Variants in SLC25A21 observed in about 807,000 individuals in gnomAD.
SLC25A21 encodes solute carrier family 25 member 21.
SLC25A21 carries 47 observed loss-of-function variants against 43.8 expected under a neutral mutation model. The ratio of observed to expected loss-of-function variants is 1.07; its 90% confidence interval spans 0.85 to 1.37. The LOEUF (loss-of-function observed/expected upper bound fraction) is 1.37. Ranked by LOEUF, SLC25A21 falls within the 40% of genes most tolerant of loss-of-function variation. The pLI is 0.00. For synonymous variants in SLC25A21, 131 were observed against 121.3 expected (o/e 1.08, Z -0.52); for missense variants, 352 against 350.2 (o/e 1.00, Z -0.04).
rs374520830 is a variant in SLC25A21, at chr14:36,772,774, C to T, written c.204-38201G>A. Among the ~76,000 whole-genome samples, 62 of 152,288 alleles carry T rather than the reference C, an allele frequency of 4.1e-4. No individual in the cohort carries two copies. In the South Asian group the frequency reaches 0.013, roughly 31 times the overall value. Reference sequence around the variant, plus strand: ...TTAAATCTGTGAATACCAAGGCTCCCCTGCATAGTTCTCTGGCAGTTCAGT... The same window carrying T: ...TTAAATCTGTGAATACCAAGGCTCCTCTGCATAGTTCTCTGGCAGTTCAGT... On this transcript the variant is annotated intron_variant, in intron 3 of 9. Transcript: ENST00000331299.
chr14:36,736,625 GAAA>G (rs58319808), intron 3 of SLC25A21, among the ~76,000 whole-genome samples: 4 of 148,826 alleles, frequency 2.7e-5, no homozygotes, highest in Non-Finnish European at 4.5e-5. Flanking sequence ...ATTATTGTAG[GAAA>G]AAAAAAATAA....
At chr14:36,778,690 T>C (rs2138372917) in intron 3 of SLC25A21, among the ~76,000 whole-genome samples, 1 of 152,316 alleles carries the variant, frequency 6.6e-6, no homozygotes, top group Non-Finnish European at 1.5e-5. Flanking sequence ...TTTATTGAAG[T>C]ATGATTGACA....
chr14:37,048,706 C>T (rs898403824), intron 1 of SLC25A21, among the ~76,000 whole-genome samples: 3 of 152,146 alleles, frequency 2.0e-5, no homozygotes, highest in Admixed American at 1.3e-4. Context: ...TCTGAGTCAG[C>T]TTCCTCACCT....
Position 36,679,694 on chromosome 14 carries a change from A to G in SLC25A21, c.*964T>C. On this transcript the variant is annotated 3_prime_UTR_variant, in exon 10 of 10. Transcript: ENST00000331299. ...CTGAAGTTGTCGTTTAAAACTAATA[A>G]CCTGAAAATGCAGTTCTGTTCTATA... The G allele has an allele frequency of 1.0e-6, 1 of 985,378 alleles. No homozygotes were observed. Among genetic ancestry groups the G allele is most frequent in the Non-Finnish European group, 1.2e-6 (1 of 829,874 alleles). 61.0% of individuals were successfully genotyped at this position (985,378 alleles called of 1,614,324 possible).
intron 7 of SLC25A21, among the ~76,000 whole-genome samples, chr14:36,701,203 A>G (rs535330438): frequency 1.3e-5 from 2 of 152,322 alleles, no homozygotes; most frequent in South Asian, 4.1e-4. Context: ...AATATCTGCT[A>G]TTGAAGCTTA....
chr14:37,055,312 A>G (rs905294102), intron 1 of SLC25A21, among the ~76,000 whole-genome samples: 12 of 152,218 alleles, frequency 7.9e-5, no homozygotes, highest in African/African-American at 2.9e-4. Context: ...AGGACTGGGG[A>G]AGGAAATAAC....
intron 1 of SLC25A21, among the ~76,000 whole-genome samples, chr14:36,989,152 C>T (rs766969375): frequency 6.6e-6 from 1 of 152,044 alleles, no homozygotes; most frequent in Non-Finnish European, 1.5e-5. Flanking sequence ...ACTGGCTTTG[C>T]CACTTGCTCT....
intron 3 of SLC25A21, among the ~76,000 whole-genome samples, chr14:36,738,491 G>T (rs1460769348): frequency 6.6e-6 from 1 of 152,220 alleles, no homozygotes; most frequent in Non-Finnish European, 1.5e-5. Flanking sequence ...GTCACGAGCA[G>T]CCAAGAGCTG....
chr14:37,099,955 C>G (rs1962785041), intron 1 of SLC25A21, among the ~76,000 whole-genome samples: 1 of 152,058 alleles, frequency 6.6e-6, no homozygotes, highest in Non-Finnish European at 1.5e-5. Context: ...AGCTGGAGGC[C>G]TTGCTAGCAG....
At chr14:37,018,672 T>C (rs544230645) in intron 1 of SLC25A21, among the ~76,000 whole-genome samples, 38 of 151,978 alleles carry the variant, frequency 2.5e-4, no homozygotes, top group Non-Finnish European at 2.1e-4. Context: ...TTGTCTACTC[T>C]TGCAGATTTC....
At chr14:37,024,546 G>T (rs1333854078) in intron 1 of SLC25A21, among the ~76,000 whole-genome samples, 6 of 151,954 alleles carry the variant, frequency 3.9e-5, no homozygotes, top group African/African-American at 1.4e-4. Context: ...TACACAAAAA[G>T]TAAGGTGCAT....
chr14:37,018,768 T>TA (rs1960918513), intron 1 of SLC25A21, among the ~76,000 whole-genome samples: 1 of 151,372 alleles, frequency 6.6e-6, no homozygotes, highest in Admixed American at 6.6e-5. Flanking sequence ...CCTTTGCACT[T>TA]AGAGGAAATC....
intron 7 of SLC25A21, 37 bp from the exon 8 acceptor site, chr14:36,684,962 G>A (rs911364768): frequency 3.2e-6 from 5 of 1,559,772 alleles, no homozygotes; most frequent in African/African-American, 1.4e-5. Flanking sequence ...AGAAAGGGGA[G>A]CGGAAGCCCC....
intron 1 of SLC25A21, among the ~76,000 whole-genome samples, chr14:36,923,976 A>G (rs1332258387): frequency 1.3e-5 from 2 of 152,202 alleles, no homozygotes; most frequent in Non-Finnish European, 2.9e-5. Flanking sequence ...CCACAATGAG[A>G]TACCATCTCA....
At chr14:36,894,589 G>A (rs925938740) in intron 1 of SLC25A21, among the ~76,000 whole-genome samples, 1 of 151,952 alleles carries the variant, frequency 6.6e-6, no homozygotes, top group Non-Finnish European at 1.5e-5. Context: ...GAATAGGAGT[G>A]GTGAGAGAGG....
intron 1 of SLC25A21, among the ~76,000 whole-genome samples, chr14:37,054,693 T>G (rs1566846406): frequency 6.8e-6 from 1 of 146,596 alleles, no homozygotes; most frequent in Non-Finnish European, 1.5e-5. Context: ...ACTGTGGCCT[T>G]CAGTAATTTG....
chr14:36,681,323 G>C (rs1402679381), intron 9 of SLC25A21, among the ~76,000 whole-genome samples: 2 of 152,168 alleles, frequency 1.3e-5, no homozygotes, highest in Non-Finnish European at 2.9e-5. Flanking sequence ...ATTTGAACTT[G>C]AAAATTTGGT....
chr14:36,879,712 T>A (rs976469466), intron 1 of SLC25A21, among the ~76,000 whole-genome samples: 1 of 152,008 alleles, frequency 6.6e-6, no homozygotes, highest in Non-Finnish European at 1.5e-5. Context: ...CCAGACTTCA[T>A]CTTTTCTGAG....
At chr14:37,076,467 C>T (rs1167402415) in intron 1 of SLC25A21, among the ~76,000 whole-genome samples, 1 of 151,442 alleles carries the variant, frequency 6.6e-6, no homozygotes, top group African/African-American at 2.4e-5. Context: ...GCCACCGCAC[C>T]CAGCCTATAA....
Sources: allele counts gnomAD v4.1 joint callset (sites outside exome capture counted in the v4.1 genomes callset), GRCh38; gene constraint gnomAD v4.1.1; transcripts MANE v1.5; gene names NCBI Gene and HGNC (gene_info 2026-07-23, HGNC 2026-07-21).